Variants in PRR16 observed in about 807,000 individuals in gnomAD.
PRR16 encodes proline rich 16, also known as protein Largen.
Under a neutral mutation model 18.2 loss-of-function variants are expected in PRR16, and 6 were observed. The ratio of observed to expected loss-of-function variants is 0.33; its 90% CI spans 0.18 to 0.65. PRR16 has a LOEUF of 0.65. Among genes scored for constraint, PRR16 ranks in the 30% least tolerant of loss-of-function variants. PRR16 has a pLI of 0.74. For missense variants in PRR16, 412 were observed against 376.6 expected (o/e 1.09, Z -0.78); for synonymous variants, 151 against 147.8 (o/e 1.02, Z -0.16).
intron 1 of PRR16, among the ~76,000 whole-genome samples, chr5:120,640,249 A>G (rs1185299302): frequency 6.6e-6 from 1 of 151,986 alleles, no homozygotes; most frequent in Non-Finnish European, 1.5e-5. Context: ...TCAGCAACAC[A>G]CAATTTACCC....
chr5:120,695,994 G>A, the PRR16 span, among the ~76,000 whole-genome samples: 2 of 151,994 alleles, frequency 1.3e-5, no homozygotes, highest in Non-Finnish European at 2.9e-5. Context: ...TGTAACCCCA[G>A]CACGTTGGGA....
intron 1 of PRR16, among the ~76,000 whole-genome samples, chr5:120,641,833 A>T (rs1014831857): frequency 6.6e-6 from 1 of 152,108 alleles, no homozygotes; most frequent in African/African-American, 2.4e-5. Flanking sequence ...CAAGGTTGGC[A>T]TCTTTTGCAT....
intron 1 of PRR16, among the ~76,000 whole-genome samples, chr5:120,612,730 A>G (rs372615504): frequency 6.6e-6 from 1 of 152,136 alleles, no homozygotes; most frequent in African/African-American, 2.4e-5. Flanking sequence ...ACTAATACAC[A>G]TACATATTAT....
At chr5:120,769,549 T>A in the PRR16 span, among the ~76,000 whole-genome samples, 3 of 151,928 alleles carry the variant, frequency 2.0e-5, no homozygotes, top group Non-Finnish European at 2.9e-5. Context: ...ACTTCCTTTT[T>A]TTAAAGGTCA....
chr5:120,467,374 C>G (rs1244879189), intron 1 of PRR16, among the ~76,000 whole-genome samples: 2 of 152,100 alleles, frequency 1.3e-5, no homozygotes, highest in East Asian at 1.9e-4. Context: ...GACTATATCA[C>G]TATGGCAGTC....
intron 1 of PRR16, among the ~76,000 whole-genome samples, chr5:120,475,757 G>A (rs554779565): frequency 6.6e-6 from 1 of 152,142 alleles, no homozygotes; most frequent in East Asian, 1.9e-4. Context: ...AATAAACCCA[G>A]AAAAATATTT....
At chr5:120,763,154 T>TA in the PRR16 span, among the ~76,000 whole-genome samples, 62,604 of 149,400 alleles carry the variant, frequency 0.42, 13,121 homozygotes, top group African/African-American at 0.48. Flanking sequence ...TTAATAGCAA[T>TA]TTTTTTTTTT....
chr5:120,520,488 G>T (rs1011712324), intron 1 of PRR16, among the ~76,000 whole-genome samples: 10 of 152,200 alleles, frequency 6.6e-5, no homozygotes, highest in African/African-American at 2.4e-4. Context: ...CAAGACAAAG[G>T]CACGTTTAGG....
intron 1 of PRR16, among the ~76,000 whole-genome samples, chr5:120,604,517 C>G (rs1754089851): frequency 1.3e-5 from 2 of 152,006 alleles, no homozygotes; most frequent in African/African-American, 4.8e-5. Flanking sequence ...CACTTGATGC[C>G]TTTTGAGTGG....
chr5:120,655,743 T>G lies in PRR16; in HGVS notation c.160-30211T>G, dbSNP rs571681450. ...CAATTGACTTTTTTTTTTTGTTTTTTTTTTTCTGAATGCAACCCATATTTT... is the reference window on the plus strand; with the variant it reads ...CAATTGACTTTTTTTTTTTGTTTTTGTTTTTCTGAATGCAACCCATATTTT... On this transcript the variant is annotated intron_variant, in intron 1 of 1. Transcript: ENST00000407149. Among the ~76,000 whole-genome samples, 175 of 151,378 alleles carry G rather than the reference T, an allele frequency of 1.2e-3. 1 individual carries two copies. The highest frequency in any genetic ancestry group is 2.0e-3 in the Non-Finnish European group (138 of 67,752).
intron 1 of PRR16, among the ~76,000 whole-genome samples, chr5:120,473,310 T>C (rs1288529538): frequency 6.6e-6 from 1 of 152,194 alleles, no homozygotes; most frequent in Non-Finnish European, 1.5e-5. Flanking sequence ...TTTGGGGTTA[T>C]CTTTTGTTTT....
chr5:120,499,627 G>A lies in PRR16; in HGVS notation c.159+34982G>A, dbSNP rs773220418. Among the ~76,000 whole-genome samples, 5 of 151,940 alleles carry A rather than the reference G, an allele frequency of 3.3e-5. No homozygotes were observed. In the South Asian group the frequency reaches 1.0e-3, roughly 32 times the overall value. ...ACTCCTCTCTATATCTTATATCTTT[G>A]CTGAGGCTTTCTTTTTCTTTTCTAC... is the stretch of plus-strand genomic sequence containing the variant. On this transcript the variant is annotated intron_variant, in intron 1 of 1. Coordinates refer to ENST00000407149, the MANE Select transcript of PRR16 (RefSeq NM_001300783.2).
intron 1 of PRR16, among the ~76,000 whole-genome samples, chr5:120,666,153 T>C (rs971623744): frequency 2.8e-5 from 4 of 143,222 alleles, no homozygotes; most frequent in African/African-American, 7.7e-5. Flanking sequence ...GTTTGTAGTT[T>C]TCCTTGAAGA....
chr5:120,780,361 T>C, the PRR16 span, among the ~76,000 whole-genome samples: 1 of 152,186 alleles, frequency 6.6e-6, no homozygotes, highest in East Asian at 1.9e-4. Context: ...TGTAAGTGAT[T>C]GGAATTTACA....
chr5:120,599,595 T>G (rs535872243), intron 1 of PRR16, among the ~76,000 whole-genome samples: 1 of 152,052 alleles, frequency 6.6e-6, no homozygotes, highest in East Asian at 1.9e-4. Flanking sequence ...ACATCTTTAC[T>G]TGGAGTGACT....
intron 1 of PRR16, among the ~76,000 whole-genome samples, chr5:120,674,937 CT>C (rs1160729830): frequency 6.6e-6 from 1 of 150,596 alleles, no homozygotes; most frequent in Non-Finnish European, 1.5e-5. Flanking sequence ...TATTTTATTG[CT>C]TTTTTTACGT....
chr5:120,523,585 A>C (rs1751256461), intron 1 of PRR16, among the ~76,000 whole-genome samples: 2 of 152,094 alleles, frequency 1.3e-5, no homozygotes, highest in South Asian at 4.1e-4. Flanking sequence ...AATTATTTTA[A>C]ATTCTGATTT....
intron 1 of PRR16, among the ~76,000 whole-genome samples, chr5:120,560,849 T>C (rs1752552248): frequency 6.6e-6 from 1 of 152,116 alleles, no homozygotes; most frequent in Admixed American, 6.6e-5. Context: ...ACTGGTTCAA[T>C]CTTGGTAGGT....
intron 1 of PRR16, among the ~76,000 whole-genome samples, chr5:120,579,095 G>T (rs1753176573): frequency 6.6e-6 from 1 of 151,826 alleles, no homozygotes; most frequent in African/African-American, 2.4e-5. Context: ...TTTTGATGGG[G>T]TGTTTATTTT....
Sources: allele counts gnomAD v4.1 joint callset (sites outside exome capture counted in the v4.1 genomes callset), GRCh38; gene constraint gnomAD v4.1.1; transcripts MANE v1.5; gene names NCBI Gene and HGNC (gene_info 2026-07-23, HGNC 2026-07-21).